The following CCNB3 variants were observed in gnomAD, a reference collection of about 807,000 sequenced individuals.
CCNB3 encodes the protein G2/mitotic-specific cyclin-B3.
In CCNB3, 12 loss-of-function variants were observed where a neutral mutation model predicts 68.0. The observed-to-expected ratio is 0.18, with a 90% CI of 0.11 to 0.29. The LOEUF (loss-of-function observed/expected upper bound fraction) is 0.29, where lower values mean the gene tolerates loss of function less well. Among genes scored for constraint, CCNB3 ranks in the 10% least tolerant of loss-of-function variants. CCNB3 has a pLI of 1.00. For missense variants in CCNB3, 904 were observed against 993.1 expected, an observed-to-expected ratio of 0.91 and a Z score of 1.21; for synonymous variants, 354 against 388.9, an observed-to-expected ratio of 0.91 and a Z score of 1.06.
chrX:50,341,360 T>G (rs1174775712), intron 8 of CCNB3, among the ~76,000 whole-genome samples: 1 of 105,769 alleles, frequency 9.5e-6, no homozygotes, highest in Non-Finnish European at 1.9e-5. Flanking sequence ...AATAAATAAA[T>G]AAATAAATAA....
chrX:50,319,501 T>G (rs1162807627), intron 8 of CCNB3, among the ~76,000 whole-genome samples: 1 of 111,950 alleles, frequency 8.9e-6, no homozygotes, highest in Non-Finnish European at 1.9e-5. Context: ...CAGGAGTTCT[T>G]TTTTTGTAGA....
chrX:50,222,483 A>C (rs1281785138), intron 1 of CCNB3, among the ~76,000 whole-genome samples: 11 of 111,227 alleles, frequency 9.9e-5, no homozygotes, highest in Non-Finnish European at 3.8e-5. Context: ...ATCTCTCAGC[A>C]TTTGCTTGTC....
intron 6 of CCNB3, 54 bp downstream of exon 6, chrX:50,311,550 A>T: frequency 1.1e-6 from 1 of 873,267 alleles, no homozygotes; most frequent in Non-Finnish European, 1.6e-6. Flanking sequence ...GATATCCTGG[A>T]GGTGGCTGCT....
chrX:50,305,417 A>G (rs1200412750), intron 5 of CCNB3, among the ~76,000 whole-genome samples: 1 of 111,353 alleles, frequency 9.0e-6, no homozygotes, highest in Non-Finnish European at 1.9e-5. Flanking sequence ...AAGAAACCAA[A>G]CACCGCATGT....
At position 50,309,404 on chromosome X, in the gene CCNB3, C is replaced by T. The variant is rs781946058; in HGVS notation, c.1235C>T (p.Ser412Leu). The T allele has an allele frequency of 8.3e-7, 1 of 1,211,468 alleles. No homozygotes were observed. The highest frequency in any genetic ancestry group is 1.1e-6 in the Non-Finnish European group (1 of 895,434). ...CAGGAGATCACCTCTGGAGAGAAGT[C>T]GCTCATTATGAAGCCATTGTCCATT... is the stretch of plus-strand genomic sequence containing the variant. Reference protein sequence around the residue: ...VLQEITSGEKSLIMKPLSIKE... With the variant: ...VLQEITSGEKLLIMKPLSIKE... Residue 412 changes from serine to leucine, a missense_variant, in exon 6 of 13, where the codon TCG becomes TTG. By Grantham distance (145) the Ser-to-Leu change is moderately radical. Transcript: ENST00000376042.
chrX:50,227,765 AAT>A (rs1935922388), intron 1 of CCNB3, among the ~76,000 whole-genome samples: 1 of 69,182 alleles, frequency 1.4e-5, no homozygotes, highest in East Asian at 3.9e-4. Context: ...AATATATATA[AAT>A]ATATATAGAG....
intron 4 of CCNB3, among the ~76,000 whole-genome samples, chrX:50,290,531 A>G (rs1936330569): frequency 1.8e-5 from 2 of 112,409 alleles, no homozygotes; most frequent in Admixed American, 1.9e-4. Context: ...TTTCAAAGGG[A>G]CACAAATATT....
chrX:50,308,874 G>A lies in CCNB3; in HGVS notation c.705G>A (p.Met235Ile), dbSNP rs1557213964. ...AGACATTATCCTTAAAGAAGAAGAT[G>A]TGTGCAAGTCAGCGGAAGCAGTCCT... ...TKKTLSLKKKMCASQRKQSCQ... is the reference protein window; with the variant it reads ...TKKTLSLKKKICASQRKQSCQ... Residue 235 changes from methionine to isoleucine, a missense_variant, in exon 6 of 13, where the codon ATG becomes ATA. This residue lies in a region of CCNB3 where 619 missense variants were observed against 609.8 expected (regional missense o/e 1.02). Coordinates refer to ENST00000376042, the MANE Select transcript of CCNB3 (RefSeq NM_033031.3). 3 of 1,209,368 alleles carry A rather than the reference G, an allele frequency of 2.5e-6. No homozygotes were observed.
At chrX:50,286,812 G>A (rs187638137) in intron 3 of CCNB3, among the ~76,000 whole-genome samples, 501 of 111,354 alleles carry the variant, frequency 4.5e-3, no homozygotes, top group Middle Eastern at 0.019. Context: ...ACCGCGCCCA[G>A]CTAATTTTTG....
intron 1 of CCNB3, among the ~76,000 whole-genome samples, chrX:50,223,093 C>T: frequency 9.0e-6 from 1 of 110,840 alleles, no homozygotes; most frequent in East Asian, 2.8e-4. Context: ...AGTTCTCATG[C>T]TGTGTTTTTC....
rs1274840726 is a variant in CCNB3, at chrX:50,227,139, G to C, written c.-113+22189G>C. ...TATAGAATATATACAAAAATATATA[G>C]AATATATATACAATATATGTAGAAT... is the stretch of plus-strand genomic sequence containing the variant. On this transcript the variant is annotated intron_variant, in intron 1 of 12. Transcript: ENST00000376042. 1.3e-3 allele frequency among the ~76,000 whole-genome samples: 93 copies of C among 72,936 alleles called. 3 individuals carry two copies. In the East Asian group the frequency reaches 0.031, roughly 24 times the overall value. The allele number at this position is 72,936 out of a possible 115,157, so 63.3% of individuals were successfully genotyped here. A position where few individuals can be genotyped will look rare whatever the true frequency, so the allele number is the denominator to read the frequency against.
At position 50,215,085 on chromosome X, in the gene CCNB3, G is replaced by T. The variant is rs1057388820; in HGVS notation, c.-113+10135G>T. On this transcript the variant is annotated intron_variant, in intron 1 of 12. Transcript: ENST00000376042. ...GCTCACTGCAAGCTCCGCCTCCCGG[G>T]TTCATGCCATTCTCTTGCCTCAGCC... 2.7e-4 allele frequency among the ~76,000 whole-genome samples: 30 copies of T among 110,589 alleles called. No homozygotes were observed. In the East Asian group the frequency reaches 7.7e-3, roughly 28 times the overall value.
chrX:50,335,717 C>T (rs1307877698), intron 8 of CCNB3, among the ~76,000 whole-genome samples: 2 of 111,288 alleles, frequency 1.8e-5, no homozygotes, highest in South Asian at 3.9e-4. Flanking sequence ...TGGCCTGGCT[C>T]GGTCAGAAAA....
intron 1 of CCNB3, among the ~76,000 whole-genome samples, chrX:50,281,666 A>G (rs1936139294): frequency 9.0e-6 from 1 of 111,454 alleles, no homozygotes; most frequent in African/African-American, 3.3e-5. Flanking sequence ...GGCAAAGCAA[A>G]TGAGACTGGG....
In CCNB3 at chrX:50,308,783, C is replaced by T. The variant is rs781972354; in HGVS notation, c.614C>T (p.Ala205Val). The stretch of plus-strand genomic sequence containing the variant: ...CAGGAGGAGAGTGACAGTGATGATG[C>T]GTTTGTTATAGAGCCAATGACTTTT... Reference protein sequence around the residue: ...PLQEESDSDDAFVIEPMTFKK... With the variant: ...PLQEESDSDDVFVIEPMTFKK... The change falls in exon 6 of 13, where the codon GCG becomes GTG. Residue 205 changes from alanine to valine, a missense_variant. Around this residue, in one of 2 missense-constraint regions of CCNB3, gnomAD observed 619 missense variants for 609.8 expected, o/e 1.02. Transcript: ENST00000376042. The T allele has an allele frequency of 9.9e-6, 12 of 1,209,569 alleles. No individual in the cohort carries two copies. Among genetic ancestry groups the T allele is most frequent in the East Asian group, 5.9e-5 (2 of 33,734 alleles).
chrX:50,228,200 T>C (rs1387339040), intron 1 of CCNB3, among the ~76,000 whole-genome samples: 1 of 91,069 alleles, frequency 1.1e-5, no homozygotes, highest in African/African-American at 4.0e-5. Context: ...AATACATATA[T>C]AAATACTTAT....
intron 1 of CCNB3, among the ~76,000 whole-genome samples, chrX:50,210,074 G>T (rs1935459232): frequency 9.0e-6 from 1 of 111,717 alleles, no homozygotes; most frequent in Non-Finnish European, 1.9e-5. Context: ...AGCTTGTCTG[G>T]TATTTTCATG....
chrX:50,290,334 G>A (rs1388084230), intron 4 of CCNB3, among the ~76,000 whole-genome samples: 3 of 111,662 alleles, frequency 2.7e-5, no homozygotes, highest in East Asian at 2.8e-4. Flanking sequence ...GTGAGGGCCC[G>A]TTCCTCATGG....
intron 1 of CCNB3, among the ~76,000 whole-genome samples, chrX:50,205,302 C>A (rs1244313310): frequency 3.6e-5 from 4 of 111,438 alleles, no homozygotes; most frequent in African/African-American, 1.3e-4. Context: ...ATTAGCCGGG[C>A]GTGGTAGCGC....
Sources: allele counts gnomAD v4.1 joint callset (sites outside exome capture counted in the v4.1 genomes callset), GRCh38; gene constraint gnomAD v4.1.1; regional missense constraint gnomAD v4.1.1; transcripts MANE v1.5; gene names NCBI Gene and HGNC (gene_info 2026-07-23, HGNC 2026-07-21).